Variants in PIK3CB observed in about 807,000 individuals in gnomAD.
The protein encoded by PIK3CB is phosphatidylinositol-4,5-bisphosphate 3-kinase catalytic subunit beta.
In PIK3CB, 39 loss-of-function variants were observed where a neutral mutation model predicts 136.8. The observed-to-expected ratio is 0.29, with a 90% CI of 0.22 to 0.37. The LOEUF (loss-of-function observed/expected upper bound fraction) is 0.37. PIK3CB is among the 10% of genes least tolerant of loss of function. The pLI, the probability that PIK3CB is intolerant of heterozygous loss-of-function variation, is 1.00. For missense variants in PIK3CB, 868 were observed against 1,275.4 expected, an observed-to-expected ratio of 0.68 and a Z score of 4.87; for synonymous variants, 428 against 436.6, an observed-to-expected ratio of 0.98 and a Z score of 0.25.
intron 1 of PIK3CB, among the ~76,000 whole-genome samples, chr3:138,805,487 G>A (rs563023721): frequency 1.5e-4 from 22 of 151,242 alleles, no homozygotes; most frequent in Non-Finnish European, 2.5e-4. Context: ...TGGCTAACAC[G>A]GTGAAACCCC....
At chr3:138,711,878 T>C (rs574072904) in intron 10 of PIK3CB, among the ~76,000 whole-genome samples, 2 of 151,888 alleles carry the variant, frequency 1.3e-5, no homozygotes, top group African/African-American at 4.8e-5. Context: ...TCCTAGCACT[T>C]TGGGAGGATC....
intron 2 of PIK3CB, among the ~76,000 whole-genome samples, chr3:138,791,725 A>C (rs2046049864): frequency 6.6e-6 from 1 of 152,120 alleles, no homozygotes; most frequent in Non-Finnish European, 1.5e-5. Context: ...CTTCAGTCTA[A>C]AATGCCCTCC....
At chr3:138,678,357 C>T (rs1341082482) in intron 19 of PIK3CB, among the ~76,000 whole-genome samples, 2 of 151,750 alleles carry the variant, frequency 1.3e-5, no homozygotes, top group African/African-American at 2.4e-5. Flanking sequence ...CAGTGAGACT[C>T]TATCTCTAAA....
At chr3:138,738,424 G>A (rs1169628907) in intron 5 of PIK3CB, among the ~76,000 whole-genome samples, 1 of 152,048 alleles carries the variant, frequency 6.6e-6, no homozygotes, top group Admixed American at 6.6e-5. Flanking sequence ...GCCTGCCTCA[G>A]CCTCCCAAAG....
At position 138,737,883 on chromosome 3, in the gene PIK3CB, C is replaced by T. The variant is rs763514461; in HGVS notation, c.625G>A (p.Val209Met). 3.8e-6 allele frequency: 6 copies of T among 1,582,642 alleles called. No individual in the cohort carries two copies. The highest frequency in any genetic ancestry group is 2.3e-5 in the South Asian group (2 of 86,366). The change falls in exon 6 of 24, where the codon GTG (valine) becomes ATG (methionine). Residue 209 changes from valine (V) to methionine (M), a missense_variant. By Grantham distance (21) the Val-to-Met change is conservative (BLOSUM62 1). Coordinates refer to ENST00000674063, the MANE Select transcript of PIK3CB (RefSeq NM_006219.3). ...TTAGGAGACACTTGAAAGCTAAACA[C>T]GTCCTGAAGGGGGAGGGAGATGGGG... ...VAVHFENCQDVFSFQVSPNMN... is the reference protein window; with the variant it reads ...VAVHFENCQDMFSFQVSPNMN...
At chr3:138,830,260 A>G (rs573922755) in intron 1 of PIK3CB, among the ~76,000 whole-genome samples, 2 of 152,328 alleles carry the variant, frequency 1.3e-5, no homozygotes, top group East Asian at 1.9e-4. Flanking sequence ...CTATAAATAA[A>G]AAAAGGGGCC....
chr3:138,711,454 C>T (rs1411451680), intron 10 of PIK3CB, among the ~76,000 whole-genome samples: 1 of 151,714 alleles, frequency 6.6e-6, no homozygotes, highest in Non-Finnish European at 1.5e-5. Flanking sequence ...TGGCACATGC[C>T]TGTAATCCCA....
At chr3:138,740,216 T>C (rs1219546430) in intron 5 of PIK3CB, among the ~76,000 whole-genome samples, 2 of 151,820 alleles carry the variant, frequency 1.3e-5, no homozygotes, top group African/African-American at 4.8e-5. Flanking sequence ...AAAATTAGCA[T>C]GGCGTGGTGG....
At chr3:138,833,026 A>G (rs940519291) in intron 1 of PIK3CB, among the ~76,000 whole-genome samples, 3 of 150,232 alleles carry the variant, frequency 2.0e-5, no homozygotes, top group African/African-American at 7.3e-5. Flanking sequence ...AACAACAATA[A>G]TTTTTTTTTA....
intron 2 of PIK3CB, among the ~76,000 whole-genome samples, chr3:138,763,910 A>G (rs933179228): frequency 6.6e-6 from 1 of 150,698 alleles, no homozygotes; most frequent in Non-Finnish European, 1.5e-5. Flanking sequence ...CAGAAGTTCA[A>G]GACCAGCCTG....
At chr3:138,795,461 T>A (rs979219338) in intron 2 of PIK3CB, among the ~76,000 whole-genome samples, 1 of 150,650 alleles carries the variant, frequency 6.6e-6, no homozygotes, top group Non-Finnish European at 1.5e-5. Context: ...TGAAACCCCA[T>A]CTCTATTAAA....
chr3:138,829,950 G>T (rs1200881190), intron 1 of PIK3CB, among the ~76,000 whole-genome samples: 1 of 152,090 alleles, frequency 6.6e-6, no homozygotes, highest in African/African-American at 2.4e-5. Flanking sequence ...ATCTTGAGAG[G>T]CAACAGCAGT....
chr3:138,699,513 A>T (rs1218773864), intron 12 of PIK3CB, among the ~76,000 whole-genome samples: 2 of 152,054 alleles, frequency 1.3e-5, no homozygotes, highest in Admixed American at 1.3e-4. Context: ...CAAAAAAAAA[A>T]GGATAATGAG....
intron 6 of PIK3CB, among the ~76,000 whole-genome samples, chr3:138,736,465 C>T (rs1351554359): frequency 2.0e-5 from 3 of 152,174 alleles, no homozygotes; most frequent in East Asian, 3.8e-4. Context: ...CACAAAATAA[C>T]AAGACTTTCC....
chr3:138,823,220 C>T (rs1219864279), intron 1 of PIK3CB, among the ~76,000 whole-genome samples: 1 of 151,620 alleles, frequency 6.6e-6, no homozygotes, highest in Non-Finnish European at 1.5e-5. Context: ...CCAGGAGTTA[C>T]AGGCCAGCTG....
chr3:138,758,151 T>C (rs1466507439), intron 3 of PIK3CB, among the ~76,000 whole-genome samples: 3 of 152,168 alleles, frequency 2.0e-5, no homozygotes, highest in Non-Finnish European at 2.9e-5. Flanking sequence ...GCAAGCCAAC[T>C]ACAAAAGGAT....
At chr3:138,829,551 G>C (rs1426372437) in intron 1 of PIK3CB, among the ~76,000 whole-genome samples, 1 of 152,154 alleles carries the variant, frequency 6.6e-6, no homozygotes, top group Admixed American at 6.6e-5. Context: ...GAGACAAAGG[G>C]ATAAATTAAA....
intron 2 of PIK3CB, among the ~76,000 whole-genome samples, chr3:138,762,258 C>CA (rs1191702661): frequency 6.6e-6 from 1 of 151,756 alleles, no homozygotes; most frequent in African/African-American, 2.4e-5. Context: ...TCAAAAAAAA[C>CA]AAAAAACAAA....
At position 138,815,174 on chromosome 3, in the gene PIK3CB, TATAC is replaced by T. The variant is rs1298969292; in HGVS notation, c.-121-18611_-121-18608del. On this transcript the variant is annotated intron_variant, in intron 1 of 23. Coordinates refer to ENST00000674063, the MANE Select transcript of PIK3CB (RefSeq NM_006219.3). ...AAAAAAAAAAAAAAATATATATATATATACATATATATATATACAAAAAAATACA... is the reference window on the plus strand; with the variant it reads ...AAAAAAAAAAAAAAATATATATATATATATATATATATACAAAAAAATACA... 2.9e-3 allele frequency among the ~76,000 whole-genome samples: 309 copies of T among 107,134 alleles called. 5 individuals carry two copies. The highest frequency in any genetic ancestry group is 0.012 in the African/African-American group (295 of 23,736). The allele number at this position is 107,134 out of a possible 152,430, so 70.3% of individuals were successfully genotyped here.
Sources: gnomAD v4.1 joint callset for allele counts (sites outside exome capture counted in the v4.1 genomes callset) on GRCh38, gnomAD v4.1.1 for gene constraint, MANE v1.5 for transcripts, NCBI Gene and HGNC (gene_info 2026-07-23, HGNC 2026-07-21) for gene names.